RFX8: variants seen among roughly 807,000 people sequenced by gnomAD.
RFX8 encodes DNA-binding protein RFX8.
Under a neutral mutation model 54.6 loss-of-function variants are expected in RFX8, and 46 were observed. That is an observed-to-expected ratio of 0.84 (90% CI 0.67 to 1.08). The LOEUF is 1.08. RFX8 is among the 50% of genes least tolerant of loss of function. The pLI is 0.00. For missense variants in RFX8, 536 were observed against 562.3 expected (o/e 0.95, Z 0.47); for synonymous variants, 192 against 209.5 (o/e 0.92, Z 0.72).
At chr2:101,410,590 T>C in intron 9 of RFX8, 29 bp downstream of exon 9, 1 of 931,336 alleles carries the variant, frequency 1.1e-6, no homozygotes, top group Non-Finnish European at 1.5e-6. Context: ...TCAACACACT[T>C]TTTTTTTTTT....
At chr2:101,462,662 AC>A (rs1689344147) in intron 2 of RFX8, among the ~76,000 whole-genome samples, 2 of 75,450 alleles carry the variant, frequency 2.7e-5, no homozygotes, top group Non-Finnish European at 6.6e-5. Flanking sequence ...TGAAATAGGT[AC>A]TATTATTAAT....
intron 2 of RFX8, among the ~76,000 whole-genome samples, chr2:101,434,161 G>A (rs1013745362): frequency 2.0e-5 from 3 of 152,044 alleles, no homozygotes; most frequent in East Asian, 1.9e-4. Flanking sequence ...TGGAGACCTC[G>A]CTCTGACTTC....
At chr2:101,405,215 C>T (rs1193958618) in intron 10 of RFX8, among the ~76,000 whole-genome samples, 2 of 150,952 alleles carry the variant, frequency 1.3e-5, no homozygotes, top group Non-Finnish European at 2.9e-5. Context: ...GGTGCAATCT[C>T]AGCTCGCCAC....
chr2:101,407,220 C>T (rs1002632573), intron 9 of RFX8, among the ~76,000 whole-genome samples: 1 of 152,178 alleles, frequency 6.6e-6, no homozygotes, highest in African/African-American at 2.4e-5. Flanking sequence ...TCCCTTCTGC[C>T]CCAGTGAAAT....
At chr2:101,464,665 A>G (rs1689478654) in intron 2 of RFX8, among the ~76,000 whole-genome samples, 1 of 152,196 alleles carries the variant, frequency 6.6e-6, no homozygotes, top group Non-Finnish European at 1.5e-5. Context: ...GAGAGCTGAA[A>G]GTTAGTACCT....
At chr2:101,444,046 G>T (rs1275123659) in intron 2 of RFX8, among the ~76,000 whole-genome samples, 8 of 152,164 alleles carry the variant, frequency 5.3e-5, no homozygotes, top group Admixed American at 2.0e-4. Flanking sequence ...GAAGCCGTGG[G>T]TCAATTCAAT....
At chr2:101,455,809 T>C (rs1180389678) in intron 2 of RFX8, among the ~76,000 whole-genome samples, 2 of 152,226 alleles carry the variant, frequency 1.3e-5, no homozygotes, top group East Asian at 3.8e-4. Context: ...CCTTGGGCAG[T>C]ATGGCCATTT....
In RFX8 at chr2:101,455,020, C is replaced by CTTTT. The variant is rs556030262; in HGVS notation, c.72+11753_72+11756dup. Among the ~76,000 whole-genome samples, 51 of 142,320 alleles carry CTTTT rather than the reference C, an allele frequency of 3.6e-4. 2 individuals carry two copies. The highest frequency in any genetic ancestry group is 5.3e-4 in the Non-Finnish European group (35 of 65,720). 93.4% of individuals were successfully genotyped at this position (142,320 alleles called of 152,430 possible). A position where few individuals can be genotyped will look rare whatever the true frequency, so the allele number is the denominator to read the frequency against. On this transcript the variant is annotated intron_variant, in intron 2 of 11. Transcript: ENST00000428343. ...TGCCTAGGTTTTCTTTTTCTTTTTT[C>CTTTT]TTTTTTTTTTTGAGACAGAGTTTCA...
intron 11 of RFX8, among the ~76,000 whole-genome samples, chr2:101,398,977 TA>T (rs1328942881): frequency 1.3e-5 from 2 of 152,322 alleles, no homozygotes; most frequent in East Asian, 1.9e-4. Flanking sequence ...AAGAGACACT[TA>T]AAAAAATTTG....
At chr2:101,398,356 AGAT>A (rs1244636137) in intron 11 of RFX8, among the ~76,000 whole-genome samples, 1 of 152,184 alleles carries the variant, frequency 6.6e-6, no homozygotes, top group African/African-American at 2.4e-5. Context: ...TGGAGAAAGA[AGAT>A]GAGTCATGAA....
chr2:101,427,012 C>T (rs1359781293), intron 2 of RFX8, among the ~76,000 whole-genome samples: 1 of 152,220 alleles, frequency 6.6e-6, no homozygotes, highest in African/African-American at 2.4e-5. Flanking sequence ...CCACCTCGCC[C>T]AGTGTGCTGC....
At chr2:101,409,784 G>A (rs1002773833) in intron 9 of RFX8, among the ~76,000 whole-genome samples, 1 of 152,138 alleles carries the variant, frequency 6.6e-6, no homozygotes, top group East Asian at 1.9e-4. Flanking sequence ...ATAGGCATGA[G>A]CCACCGTGCC....
intron 6 of RFX8, 67 bp downstream of exon 6, chr2:101,417,467 A>G (rs1686594970): frequency 1.4e-6 from 2 of 1,441,144 alleles, no homozygotes; most frequent in African/African-American, 1.4e-5. Context: ...CGGCCTTCCA[A>G]AGTGCTGGGA....
intron 10 of RFX8, among the ~76,000 whole-genome samples, chr2:101,405,410 G>C (rs1156294028): frequency 6.6e-6 from 1 of 152,000 alleles, no homozygotes; most frequent in Non-Finnish European, 1.5e-5. Flanking sequence ...ACCTCCCAAA[G>C]TGCTGGGATT....
chr2:101,435,032 A>G (rs1687696161), intron 2 of RFX8: 1 of 152,290 alleles, frequency 6.6e-6, no homozygotes, highest in Admixed American at 6.5e-5. Context: ...CTGTGGTACC[A>G]CCGCCGCCGG....
chr2:101,413,756 G>A (rs1686311104), intron 7 of RFX8, among the ~76,000 whole-genome samples: 1 of 152,180 alleles, frequency 6.6e-6, no homozygotes, highest in African/African-American at 2.4e-5. Context: ...TTGAGAGGAA[G>A]AGCACACTGC....
intron 1 of RFX8, among the ~76,000 whole-genome samples, chr2:101,472,039 G>A: frequency 6.6e-6 from 1 of 152,164 alleles, no homozygotes. Context: ...CCAGGCTTTG[G>A]AATACCAGAG....
intron 4 of RFX8, 157 bp downstream of exon 4, chr2:101,421,567 A>G: frequency 1.5e-6 from 2 of 1,371,426 alleles, no homozygotes; most frequent in South Asian, 1.9e-5. Context: ...CTCAATGACT[A>G]CAACATAGGT....
chr2:101,441,241 A>G (rs1288549976), intron 2 of RFX8, among the ~76,000 whole-genome samples: 3 of 152,192 alleles, frequency 2.0e-5, no homozygotes, highest in Non-Finnish European at 4.4e-5. Context: ...AAGTGCTGGG[A>G]TTACAGGCGT....
Sources: allele counts gnomAD v4.1 joint callset (sites outside exome capture counted in the v4.1 genomes callset), GRCh38; gene constraint gnomAD v4.1.1; transcripts MANE v1.5; gene names NCBI Gene and HGNC (gene_info 2026-07-23, HGNC 2026-07-21).